The following KIF21A variants were observed in gnomAD, a reference collection of about 807,000 sequenced individuals.
KIF21A encodes kinesin family member 21A.
A neutral mutation model predicts 202.9 loss-of-function variants in KIF21A; 114 were observed. The ratio of observed to expected loss-of-function variants is 0.56; its 90% CI spans 0.48 to 0.66. KIF21A has a LOEUF of 0.66. Among genes scored for constraint, KIF21A ranks in the 30% least tolerant of loss-of-function variants. The probability of loss-of-function intolerance (pLI) is 0.00; values close to 1 mark genes in which losing one functional copy is unlikely to be tolerated. For synonymous variants in KIF21A, 667 were observed against 670.8 expected (o/e 0.99, Z 0.09); for missense variants, 1,677 against 1,994.9 (o/e 0.84, Z 3.04).
chr12:39,422,112 C>T (rs1478368238), intron 1 of KIF21A, among the ~76,000 whole-genome samples: 1 of 151,206 alleles, frequency 6.6e-6, no homozygotes, highest in Non-Finnish European at 1.5e-5. Context: ...GTACGTACCA[C>T]CACATCCAGC....
At position 39,320,032 on chromosome 12, in the gene KIF21A, CTT is replaced by C; in HGVS notation, c.3672-21_3672-20del. On this transcript the variant is annotated intron_variant, in intron 27 of 37. Transcript: ENST00000361418. ...CCTGGAACTAAAGTAAAAGAAGATT[CTT>C]TAATTACCTAATTCTAAATTTGCAC... 3 of 1,372,900 alleles carry C rather than the reference CTT, an allele frequency of 2.2e-6. No individual in the cohort carries two copies. In the South Asian group the frequency reaches 3.6e-5, roughly 16 times the overall value. 85.0% of individuals were successfully genotyped at this position (1,372,900 alleles called of 1,614,324 possible).
intron 12 of KIF21A, among the ~76,000 whole-genome samples, chr12:39,345,698 T>C (rs1947833005): frequency 6.6e-6 from 1 of 151,882 alleles, no homozygotes. Flanking sequence ...ATTTTGACTA[T>C]GTAATCTAGA....
chr12:39,328,054 C>T (rs1426640743), intron 24 of KIF21A, among the ~76,000 whole-genome samples: 1 of 152,136 alleles, frequency 6.6e-6, no homozygotes, highest in Non-Finnish European at 1.5e-5. Flanking sequence ...AAAAATTTAA[C>T]ATTGCAGCCC....
At chr12:39,295,746 T>A (rs960896540) in intron 37 of KIF21A, among the ~76,000 whole-genome samples, 6 of 136,438 alleles carry the variant, frequency 4.4e-5, no homozygotes, top group African/African-American at 1.7e-4. Flanking sequence ...GTTGCCAGGC[T>A]GGAATGCAGT....
At chr12:39,406,082 T>G (rs557440608) in intron 1 of KIF21A, among the ~76,000 whole-genome samples, 1 of 152,186 alleles carries the variant, frequency 6.6e-6, no homozygotes, top group African/African-American at 2.4e-5. Flanking sequence ...CAACTAAAAT[T>G]TGAAGTAACA....
intron 1 of KIF21A, among the ~76,000 whole-genome samples, chr12:39,379,963 C>CTTTTTGTT (rs1311889428): frequency 6.6e-6 from 1 of 152,036 alleles, no homozygotes; most frequent in Non-Finnish European, 1.5e-5. Flanking sequence ...GGTAACAACA[C>CTTTTTGTT]TTTTTGTTTT....
At chr12:39,367,217 T>C (rs1235852483) in intron 4 of KIF21A, 53 bp from the exon 5 acceptor site, 25 of 1,595,666 alleles carry the variant, frequency 1.6e-5, no homozygotes, top group Non-Finnish European at 2.0e-5. Context: ...CAAGATACTA[T>C]ACAATCCAAA....
intron 16 of KIF21A, among the ~76,000 whole-genome samples, chr12:39,338,224 T>C (rs944745447): frequency 2.0e-5 from 3 of 152,136 alleles, no homozygotes; most frequent in Non-Finnish European, 4.4e-5. Flanking sequence ...GTTTGTGTTT[T>C]AGTTTTAACA....
At chr12:39,352,971 C>A (rs1305372798) in intron 10 of KIF21A, among the ~76,000 whole-genome samples, 1 of 152,088 alleles carries the variant, frequency 6.6e-6, no homozygotes, top group Non-Finnish European at 1.5e-5. Context: ...TATCTACTTA[C>A]ATATAATAGA....
intron 24 of KIF21A, chr12:39,329,984 G>A (rs1225934520): frequency 5.2e-6 from 2 of 382,816 alleles, no homozygotes; most frequent in African/African-American, 4.1e-5. Context: ...TGAAACTGGA[G>A]GCACAACTGG....
At chr12:39,379,789 A>G (rs1675435674) in intron 1 of KIF21A, among the ~76,000 whole-genome samples, 1 of 152,186 alleles carries the variant, frequency 6.6e-6, no homozygotes, top group African/African-American at 2.4e-5. Flanking sequence ...AGCCAGTGGT[A>G]CAGTAGTCTA....
chr12:39,427,549 C>A (rs1308516465), intron 1 of KIF21A, among the ~76,000 whole-genome samples: 2 of 152,196 alleles, frequency 1.3e-5, no homozygotes, highest in African/African-American at 2.4e-5. Flanking sequence ...CATCAAAGTT[C>A]ATTTTAAAAT....
intron 1 of KIF21A, among the ~76,000 whole-genome samples, chr12:39,389,663 G>T (rs1420003509): frequency 3.9e-5 from 6 of 152,182 alleles, no homozygotes; most frequent in Admixed American, 3.3e-4. Flanking sequence ...GCCATGCCAA[G>T]ATTTTGGGAC....
intron 10 of KIF21A, 81 bp downstream of exon 10, chr12:39,356,751 A>T: frequency 1.4e-6 from 1 of 725,028 alleles, no homozygotes; most frequent in African/African-American, 1.7e-5. Flanking sequence ...TTGAACACTA[A>T]GCCCAACAAA....
chr12:39,351,980 C>A lies in KIF21A; in HGVS notation c.1470G>T (p.Arg490Ser). 1 of 1,610,458 alleles carries A rather than the reference C, an allele frequency of 6.2e-7. No homozygotes were observed. ...CTGCTTCACTTTCTAATAATTTTGCCCTAGCAAATAAAAATATATTTAAAT... is the reference window on the plus strand; with the variant it reads ...CTGCTTCACTTTCTAATAATTTTGCACTAGCAAATAAAAATATATTTAAAT... ...HSYIKEIEDL[R>S]AKLLESEAVN... is the part of the protein sequence containing the mutation. The change falls in exon 11 of 38, where the codon AGG (arginine) becomes AGT (serine). Residue 490 changes from arginine to serine, a missense_variant and splice_region_variant. Arg to Ser is a moderately radical substitution (Grantham distance 110). Transcript: ENST00000361418.
intron 15 of KIF21A, among the ~76,000 whole-genome samples, 180 bp from the exon 16 acceptor site, chr12:39,340,544 T>C (rs1298675811): frequency 6.6e-6 from 1 of 152,108 alleles, no homozygotes; most frequent in South Asian, 2.1e-4. Context: ...TTAATGATTA[T>C]TGAAGCTTAT....
At position 39,362,498 on chromosome 12, in the gene KIF21A, T is replaced by TA. The variant is rs1003989237; in HGVS notation, c.1019+599dup. Among the ~76,000 whole-genome samples, 485 of 143,920 alleles carry TA rather than the reference T, an allele frequency of 3.4e-3. 3 individuals carry two copies. The highest frequency in any genetic ancestry group is 9.6e-3 in the African/African-American group (378 of 39,432). 94.4% of individuals were successfully genotyped at this position (143,920 alleles called of 152,430 possible). A position where few individuals can be genotyped will look rare whatever the true frequency, so the allele number is the denominator to read the frequency against. Reference sequence around the variant, plus strand: ...ATTTACAGAGGGGAATACATTACCATAAAAAAAAAAGCTGAAAAAACATAT... The same window carrying TA: ...ATTTACAGAGGGGAATACATTACCATAAAAAAAAAAAGCTGAAAAAACATAT... On this transcript the variant is annotated intron_variant, in intron 7 of 37. Coordinates refer to ENST00000361418, the MANE Select transcript of KIF21A (RefSeq NM_001173464.2).
chr12:39,410,245 T>C (rs1410551659), intron 1 of KIF21A, among the ~76,000 whole-genome samples: 1 of 152,194 alleles, frequency 6.6e-6, no homozygotes, highest in East Asian at 1.9e-4. Flanking sequence ...TTGGAGAACC[T>C]TAGTTTTGGT....
chr12:39,342,152 G>T (rs760136220), intron 12 of KIF21A, 28 bp from the exon 13 acceptor site: 13 of 1,453,294 alleles, frequency 8.9e-6, no homozygotes, highest in Non-Finnish European at 1.3e-5. Flanking sequence ...AGGGTATGGT[G>T]TTAAAATAGA....
Sources: allele counts gnomAD v4.1 joint callset (sites outside exome capture counted in the v4.1 genomes callset), GRCh38; gene constraint gnomAD v4.1.1; transcripts MANE v1.5; gene names NCBI Gene and HGNC (gene_info 2026-07-23, HGNC 2026-07-21).